TBC1D9: variants seen among roughly 807,000 people sequenced by gnomAD.
TBC1D9 encodes TBC1 domain family member 9.
TBC1D9 carries 63 observed loss-of-function variants against 132.0 expected under a neutral mutation model. The ratio of observed to expected loss-of-function variants is 0.48; its 90% CI spans 0.39 to 0.59. The LOEUF (loss-of-function observed/expected upper bound fraction) is 0.59, where lower values mean the gene tolerates loss of function less well. TBC1D9 is among the 20% of genes least tolerant of loss of function. TBC1D9 has a pLI of 0.00. For missense variants in TBC1D9, 1,261 were observed against 1,592.7 expected, an observed-to-expected ratio of 0.79 and a Z score of 3.54; for synonymous variants, 610 against 609.9, an observed-to-expected ratio of 1.00 and a Z score of 0.00.
intron 13 of TBC1D9, chr4:140,642,126 C>T (rs1578819858): frequency 2.7e-6 from 2 of 753,194 alleles, no homozygotes; most frequent in South Asian, 1.4e-5. Flanking sequence ...CTAGGGGCCG[C>T]CAGCTGCCTT....
At chr4:140,684,124 G>A (rs753323147) in intron 3 of TBC1D9, among the ~76,000 whole-genome samples, 29 of 152,070 alleles carry the variant, frequency 1.9e-4, no homozygotes, top group African/African-American at 5.3e-4. Context: ...TGGGGAGGCC[G>A]GGCATGGTGT....
At position 140,727,291 on chromosome 4, in the gene TBC1D9, C is replaced by A. The variant is rs143354600; in HGVS notation, c.131-25677G>T. 4.2e-3 allele frequency among the ~76,000 whole-genome samples: 642 copies of A among 152,204 alleles called. 5 individuals carry two copies. Among genetic ancestry groups the A allele is most frequent in the African/African-American group, 0.013 (549 of 41,518 alleles). Reference sequence around the variant, plus strand: ...CTACTGTGGATCTGATTCTCAAGCCCCTGAGGGGTCAGACTCCTGACTACC... The same window carrying A: ...CTACTGTGGATCTGATTCTCAAGCCACTGAGGGGTCAGACTCCTGACTACC... On this transcript the variant is annotated intron_variant, in intron 1 of 20. Transcript: ENST00000442267.
chr4:140,679,222 C>G lies in TBC1D9; in HGVS notation c.590-19G>C, dbSNP rs764659185. The G allele has an allele frequency of 1.2e-6, 2 of 1,602,404 alleles. No individual in the cohort carries two copies. The highest frequency in any genetic ancestry group is 2.2e-5 in the East Asian group (1 of 44,698). Reference sequence around the variant, plus strand: ...AGTTTCGCTGAGCACAAGGAACAAGCCTGGGTCAACATCTGATTCCTGAAA... The same window carrying G: ...AGTTTCGCTGAGCACAAGGAACAAGGCTGGGTCAACATCTGATTCCTGAAA... On this transcript the variant is annotated intron_variant, in intron 4 of 20. Coordinates refer to ENST00000442267, the MANE Select transcript of TBC1D9 (RefSeq NM_015130.3).
At chr4:140,690,071 T>A (rs1398997690) in intron 2 of TBC1D9, among the ~76,000 whole-genome samples, 1 of 151,828 alleles carries the variant, frequency 6.6e-6, no homozygotes, top group African/African-American at 2.4e-5. Context: ...ATGCACACAT[T>A]TCTATATGTA....
Position 140,726,513 on chromosome 4 carries a change from A to C in TBC1D9, c.131-24899T>G, listed in dbSNP as rs139432451. Among the ~76,000 whole-genome samples, 437 of 152,232 alleles carry C rather than the reference A, an allele frequency of 2.9e-3. 5 individuals carry two copies. The highest frequency in any genetic ancestry group is 6.8e-3 in the Admixed American group (104 of 15,280). ...CATTCTCACAACACCCCTACCCCCAATACTACCTTGTCTTGAAATGGTGTT... is the reference window on the plus strand; with the variant it reads ...CATTCTCACAACACCCCTACCCCCACTACTACCTTGTCTTGAAATGGTGTT... On this transcript the variant is annotated intron_variant, in intron 1 of 20. Transcript: ENST00000442267.
At position 140,657,735 on chromosome 4, in the gene TBC1D9, G is replaced by C. The variant is rs1275409218; in HGVS notation, c.1999C>G (p.Leu667Val). Residue 667 changes from leucine to valine, a missense_variant, in exon 12 of 21, where the codon CTG becomes GTG. Leu to Val is a conservative substitution (Grantham distance 32). Transcript: ENST00000442267. ...VPQLYDCMQDLGVISTISLSW... is the reference protein window; with the variant it reads ...VPQLYDCMQDVGVISTISLSW... The stretch of plus-strand genomic sequence containing the variant: ...AGGGAGATGGTGGAAATCACGCCCA[G>C]GTCTTGCATGCAGTCGTACAGCTGT... The C allele has an allele frequency of 1.9e-6, 3 of 1,614,038 alleles. No homozygotes were observed. Among genetic ancestry groups the C allele is most frequent in the Non-Finnish European group, 1.7e-6 (2 of 1,179,902 alleles).
At chr4:140,630,027 T>C (rs1013961953) in intron 16 of TBC1D9, among the ~76,000 whole-genome samples, 6 of 152,246 alleles carry the variant, frequency 3.9e-5, no homozygotes, top group Non-Finnish European at 8.8e-5. Context: ...AGGTCATAAG[T>C]GACAGGTCCA....
chr4:140,689,639 CT>C (rs1737845124), intron 2 of TBC1D9, among the ~76,000 whole-genome samples: 1 of 31,850 alleles, frequency 3.1e-5, no homozygotes, highest in Non-Finnish European at 7.3e-5. Flanking sequence ...CTCCCCTTCC[CT>C]CTCCCCCCCT....
intron 1 of TBC1D9, among the ~76,000 whole-genome samples, chr4:140,727,228 G>T (rs1738515722): frequency 6.6e-6 from 1 of 152,182 alleles, no homozygotes. Context: ...TGTTTGAAAT[G>T]CAGTGATTGC....
intron 1 of TBC1D9, among the ~76,000 whole-genome samples, chr4:140,703,685 C>T (rs1738107096): frequency 6.6e-6 from 1 of 152,194 alleles, no homozygotes; most frequent in Admixed American, 6.5e-5. Context: ...CTCCAAACCA[C>T]AGTGACCATT....
chr4:140,677,954 C>T (rs1353557521), intron 5 of TBC1D9, among the ~76,000 whole-genome samples: 1 of 152,110 alleles, frequency 6.6e-6, no homozygotes, highest in Non-Finnish European at 1.5e-5. Context: ...CACACCTACC[C>T]TCACCAAAAT....
rs1376404317 is a variant in TBC1D9 at position 140,686,143 on chromosome 4, A to C, written c.360+201T>G. Among the ~76,000 whole-genome samples, 5 of 152,218 alleles carry C rather than the reference A, an allele frequency of 3.3e-5. No individual in the cohort carries two copies. In the East Asian group the frequency reaches 9.6e-4, roughly 29 times the overall value. On this transcript the variant is annotated intron_variant, in intron 3 of 20. Transcript: ENST00000442267. ...TATCAATAAAAGAAAAAAAAGGAAT[A>C]GCCCTATTCTTAGAAAATACACACT...
chr4:140,699,940 A>T (rs1393926126), intron 2 of TBC1D9, among the ~76,000 whole-genome samples: 1 of 152,180 alleles, frequency 6.6e-6, no homozygotes, highest in East Asian at 1.9e-4. Context: ...AGTTAAAAAA[A>T]GTGTTCATAT....
At chr4:140,643,501 G>A in intron 13 of TBC1D9, 1 of 881,332 alleles carries the variant, frequency 1.1e-6, no homozygotes, top group Non-Finnish European at 1.9e-6. Flanking sequence ...GCCTCCCGGG[G>A]CTCCAGTCTC....
At chr4:140,657,388 G>A (rs1737289991) in intron 12 of TBC1D9, 139 bp downstream of exon 12, 6 of 1,341,224 alleles carry the variant, frequency 4.5e-6, no homozygotes, top group Non-Finnish European at 6.1e-6. Context: ...TAAAGAAAAA[G>A]CATATGAAAA....
intron 7 of TBC1D9, among the ~76,000 whole-genome samples, 151 bp from the exon 8 acceptor site, chr4:140,669,955 A>T (rs977248774): frequency 1.3e-5 from 2 of 152,352 alleles, no homozygotes; most frequent in Non-Finnish European, 2.9e-5. Flanking sequence ...GCAGCAAGCC[A>T]TCATTTTGGC....
At chr4:140,667,493 A>C (rs1026157751) in intron 9 of TBC1D9, among the ~76,000 whole-genome samples, 3 of 152,256 alleles carry the variant, frequency 2.0e-5, no homozygotes, top group Admixed American at 6.5e-5. Context: ...CACTAAACAC[A>C]GGGAAGACAA....
chr4:140,634,313 G>A, intron 15 of TBC1D9, 125 bp from the exon 16 acceptor site: 2 of 1,324,616 alleles, frequency 1.5e-6, no homozygotes, highest in South Asian at 2.8e-5. Context: ...GCAGGGCTGT[G>A]GCCTCAGGGC....
At chr4:140,742,393 A>G (rs921772196) in intron 1 of TBC1D9, among the ~76,000 whole-genome samples, 7 of 151,832 alleles carry the variant, frequency 4.6e-5, no homozygotes, top group African/African-American at 1.5e-4. Flanking sequence ...TTAGCTGGGC[A>G]TGGTGGCGGG....
Sources: gnomAD v4.1 joint callset for allele counts (sites outside exome capture counted in the v4.1 genomes callset) on GRCh38, gnomAD v4.1.1 for gene constraint, MANE v1.5 for transcripts, NCBI Gene and HGNC (gene_info 2026-07-23, HGNC 2026-07-21) for gene names.